The following DNAH6 variants were observed in gnomAD, a reference collection of about 807,000 sequenced individuals.
The protein encoded by DNAH6 is axonemal beta dynein heavy chain 6.
DNAH6 carries 340 observed loss-of-function variants against 491.4 expected under a neutral mutation model. The ratio of observed to expected loss-of-function variants is 0.69; its 90% CI spans 0.63 to 0.76. The LOEUF is 0.76. Among genes scored for constraint, DNAH6 ranks in the 30% least tolerant of loss-of-function variants. The pLI is 0.00. For synonymous variants in DNAH6, 1,603 were observed against 1,686.1 expected, an observed-to-expected ratio of 0.95 and a Z score of 1.21; for missense variants, 4,443 against 4,972.2, an observed-to-expected ratio of 0.89 and a Z score of 3.20.
chr2:84,781,319 G>GCC (rs1422996313), intron 64 of DNAH6, among the ~76,000 whole-genome samples, 174 bp from the exon 65 acceptor site: 3 of 152,138 alleles, frequency 2.0e-5, no homozygotes, highest in Admixed American at 1.3e-4. Flanking sequence ...GTGGGTCATG[G>GCC]TAAAAATATT....
In DNAH6 at chr2:84,579,818, C is replaced by G. The variant is rs6547570; in HGVS notation, c.2229+139C>G. On this transcript the variant is annotated intron_variant, in intron 14 of 76. Transcript: ENST00000389394. ...AACACTTTCAAAGTAAGTGGATGTT[C>G]TACATCACAGGAATAAAGCCAGCTG... 0.9 allele frequency: 627,414 copies of G among 694,922 alleles called. 287,016 individuals are homozygous for G. Among genetic ancestry groups the G allele is most frequent in the East Asian group, 0.98 (33,463 of 34,214 alleles). 43.0% of individuals were successfully genotyped at this position (694,922 alleles called of 1,614,324 possible).
intron 15 of DNAH6, among the ~76,000 whole-genome samples, chr2:84,586,220 G>A (rs565025390): frequency 2.8e-4 from 42 of 152,290 alleles, no homozygotes; most frequent in African/African-American, 1.0e-3. Flanking sequence ...CAACAGTTTG[G>A]GTGGCTACAG....
chr2:84,634,171 A>C (rs1688653339), intron 29 of DNAH6, among the ~76,000 whole-genome samples: 1 of 152,210 alleles, frequency 6.6e-6, no homozygotes, highest in Non-Finnish European at 1.5e-5. Flanking sequence ...AAGTTTTTTT[A>C]AAGTTCTTAA....
intron 64 of DNAH6, among the ~76,000 whole-genome samples, chr2:84,775,465 C>T (rs1489505922): frequency 2.6e-5 from 4 of 151,944 alleles, no homozygotes; most frequent in African/African-American, 4.8e-5. Context: ...ATTGGCCTGA[C>T]GTTTTCATTT....
intron 37 of DNAH6, among the ~76,000 whole-genome samples, chr2:84,668,238 A>G (rs1014339095): frequency 1.4e-4 from 21 of 152,270 alleles, no homozygotes; most frequent in Non-Finnish European, 2.2e-4. Context: ...TTAAAGTATA[A>G]TAATAAAAAA....
At chr2:84,673,286 G>A (rs1182749426) in intron 40 of DNAH6, among the ~76,000 whole-genome samples, 1 of 152,162 alleles carries the variant, frequency 6.6e-6, no homozygotes, top group Non-Finnish European at 1.5e-5. Context: ...GGAGGAATCT[G>A]GATTTATCCT....
At chr2:84,724,868 T>A (rs1461615629) in intron 60 of DNAH6, among the ~76,000 whole-genome samples, 7 of 152,234 alleles carry the variant, frequency 4.6e-5, no homozygotes, top group African/African-American at 1.7e-4. Flanking sequence ...TCAATTCGGC[T>A]ACAGTCTGTT....
intron 10 of DNAH6, among the ~76,000 whole-genome samples, chr2:84,553,628 A>ATT (rs748931607): frequency 0.069 from 6,323 of 90,982 alleles, 920 homozygotes; most frequent in African/African-American, 0.1. Context: ...AGGACTGGCT[A>ATT]TTTTTTTTTT....
chr2:84,697,487 A>G, intron 46 of DNAH6, 88 bp from the exon 47 acceptor site: 5 of 1,306,594 alleles, frequency 3.8e-6, no homozygotes, highest in Non-Finnish European at 5.1e-6. Flanking sequence ...GATGAAATTG[A>G]TTCATGTGAA....
intron 64 of DNAH6, among the ~76,000 whole-genome samples, chr2:84,767,663 A>G (rs192543883): frequency 6.6e-6 from 1 of 152,104 alleles, no homozygotes; most frequent in East Asian, 1.9e-4. Flanking sequence ...GATGGAAGAG[A>G]AGATAAGAGG....
chr2:84,645,077 T>C (rs1334040708), intron 33 of DNAH6, among the ~76,000 whole-genome samples: 1 of 152,196 alleles, frequency 6.6e-6, no homozygotes, highest in Non-Finnish European at 1.5e-5. Flanking sequence ...AAGCATTCTT[T>C]TTTCCTCCAC....
intron 45 of DNAH6, among the ~76,000 whole-genome samples, chr2:84,690,986 A>AC (rs1040206627): frequency 6.6e-6 from 1 of 152,224 alleles, no homozygotes; most frequent in Admixed American, 6.5e-5. Context: ...GAGCAAATGC[A>AC]CCAGGCAGTT....
intron 4 of DNAH6, among the ~76,000 whole-genome samples, chr2:84,539,642 A>G (rs959528253): frequency 6.6e-6 from 1 of 152,158 alleles, no homozygotes; most frequent in African/African-American, 2.4e-5. Context: ...AAACCCCTAG[A>G]TGATTTAACA....
intron 63 of DNAH6, among the ~76,000 whole-genome samples, chr2:84,756,585 A>T (rs1427271765): frequency 6.6e-6 from 1 of 152,210 alleles, no homozygotes; most frequent in African/African-American, 2.4e-5. Flanking sequence ...TATAGCTTTA[A>T]TAAGATTTGT....
At chr2:84,771,295 A>T (rs1182814032) in intron 64 of DNAH6, among the ~76,000 whole-genome samples, 3 of 152,132 alleles carry the variant, frequency 2.0e-5, no homozygotes, top group Non-Finnish European at 4.4e-5. Flanking sequence ...TCTCAAAAAA[A>T]AAAAACAAAA....
chr2:84,665,134 C>T (rs1217756188), intron 37 of DNAH6, among the ~76,000 whole-genome samples: 2 of 152,102 alleles, frequency 1.3e-5, no homozygotes, highest in South Asian at 2.1e-4. Flanking sequence ...TAAATGCCCA[C>T]AAGAGAAAGC....
rs1462409632 is a variant in DNAH6, at chr2:84,805,650, T to A, written c.11482-15T>A. ...ATTTGAGTCTTCACTGTTCTGTCTCTTATTGCCATTACAGTACAAAGAGAC... is the reference window on the plus strand; with the variant it reads ...ATTTGAGTCTTCACTGTTCTGTCTCATATTGCCATTACAGTACAAAGAGAC... On this transcript the variant is annotated splice_polypyrimidine_tract_variant and intron_variant, in intron 70 of 76. Coordinates refer to ENST00000389394, the MANE Select transcript of DNAH6 (RefSeq NM_001370.2). The A allele has an allele frequency of 2.6e-6, 4 of 1,543,056 alleles. No homozygotes were observed. In the South Asian group the frequency reaches 4.9e-5, roughly 19 times the overall value.
chr2:84,546,007 A>G (rs945417281), intron 5 of DNAH6, among the ~76,000 whole-genome samples: 1 of 152,150 alleles, frequency 6.6e-6, no homozygotes, highest in Non-Finnish European at 1.5e-5. Context: ...ACCACAGTCA[A>G]TTTTAGAATA....
chr2:84,602,797 G>GTTT (rs70949898), intron 18 of DNAH6, among the ~76,000 whole-genome samples: 1,336 of 121,812 alleles, frequency 0.011, 41 homozygotes, highest in African/African-American at 0.039. Context: ...TGGATGCTCT[G>GTTT]TTTTTTTTTT....
Sources: allele counts gnomAD v4.1 joint callset (sites outside exome capture counted in the v4.1 genomes callset), GRCh38; gene constraint gnomAD v4.1.1; transcripts MANE v1.5; gene names NCBI Gene and HGNC (gene_info 2026-07-23, HGNC 2026-07-21).